Variants in DPYSL5 observed in about 807,000 individuals in gnomAD.
The protein encoded by DPYSL5 is dihydropyrimidinase like 5, also known as dihydropyrimidinase-related protein 5.
Under a neutral mutation model 58.4 loss-of-function variants are expected in DPYSL5, and 9 were observed. That is an observed-to-expected ratio of 0.15 (90% CI 0.09 to 0.27). DPYSL5 has a LOEUF of 0.27. DPYSL5 is among the 10% of genes least tolerant of loss of function. The pLI, the probability that DPYSL5 is intolerant of heterozygous loss-of-function variation, is 1.00. For synonymous variants in DPYSL5, 293 were observed against 301.9 expected (o/e 0.97, Z 0.31); for missense variants, 499 against 770.6 (o/e 0.65, Z 4.17).
At chr2:26,929,563 C>T (rs1664920409) in intron 5 of DPYSL5, among the ~76,000 whole-genome samples, 1 of 152,226 alleles carries the variant, frequency 6.6e-6, no homozygotes, top group Non-Finnish European at 1.5e-5. Flanking sequence ...CTGAAACCAT[C>T]CCTCCCCATT....
At chr2:26,880,821 A>G (rs1305887800) in intron 1 of DPYSL5, among the ~76,000 whole-genome samples, 3 of 152,222 alleles carry the variant, frequency 2.0e-5, no homozygotes, top group Non-Finnish European at 4.4e-5. Flanking sequence ...GGTTCTTACA[A>G]CTTCCCCAAC....
chr2:26,879,481 A>AAT, intron 1 of DPYSL5, among the ~76,000 whole-genome samples: 2 of 146,668 alleles, frequency 1.4e-5, no homozygotes, highest in East Asian at 4.0e-4. Context: ...AAAAAAAAAA[A>AAT]GCCCATTAGC....
intron 12 of DPYSL5, 34 bp from the exon 13 acceptor site, chr2:26,946,876 G>C: frequency 6.3e-7 from 1 of 1,581,532 alleles, no homozygotes; most frequent in Non-Finnish European, 8.7e-7. Flanking sequence ...AGGCACAAGA[G>C]CCCGTCTCAC....
At chr2:26,870,554 G>T (rs1663233833) in intron 1 of DPYSL5, among the ~76,000 whole-genome samples, 1 of 151,904 alleles carries the variant, frequency 6.6e-6, no homozygotes, top group South Asian at 2.1e-4. Flanking sequence ...GGGTTATATT[G>T]GTTTTATAAA....
chr2:26,939,028 T>TCTG (rs1251744371), intron 8 of DPYSL5: 1 of 152,374 alleles, frequency 6.6e-6, no homozygotes, highest in East Asian at 1.9e-4. Context: ...GGGCAGAGGA[T>TCTG]CTGCTGCCAT....
At chr2:26,921,785 T>C (rs1033013061) in intron 2 of DPYSL5, among the ~76,000 whole-genome samples, 1 of 152,156 alleles carries the variant, frequency 6.6e-6, no homozygotes, top group Non-Finnish European at 1.5e-5. Context: ...CAGATACTTA[T>C]GTGCATGCCC....
intron 5 of DPYSL5, 39 bp downstream of exon 5, chr2:26,928,362 A>T: frequency 1.9e-6 from 3 of 1,600,790 alleles, no homozygotes; most frequent in Non-Finnish European, 1.7e-6. Context: ...AGCGTCTCTC[A>T]TGTAGATTGA....
intron 1 of DPYSL5, among the ~76,000 whole-genome samples, chr2:26,892,376 G>A (rs938788019): frequency 4.6e-5 from 7 of 152,192 alleles, no homozygotes; most frequent in South Asian, 2.1e-4. Context: ...AGAATTCTCA[G>A]TAAGCTATTA....
chr2:26,891,160 A>G (rs1572691136), intron 1 of DPYSL5, among the ~76,000 whole-genome samples: 1 of 152,244 alleles, frequency 6.6e-6, no homozygotes, highest in East Asian at 1.9e-4. Flanking sequence ...CTTCTTGGTA[A>G]AAATGGGGGC....
intron 5 of DPYSL5, among the ~76,000 whole-genome samples, chr2:26,928,974 C>T (rs7579579): frequency 0.39 from 58,899 of 151,312 alleles, 11,890 homozygotes; most frequent in Admixed American, 0.54. Flanking sequence ...TTCCTTTGAG[C>T]ATCTGAGGAA....
chr2:26,921,819 C>T (rs970987834), intron 2 of DPYSL5, among the ~76,000 whole-genome samples: 1 of 152,154 alleles, frequency 6.6e-6, no homozygotes, highest in Admixed American at 6.5e-5. Context: ...GATGCTCTCA[C>T]ATCCATTGCC....
chr2:26,880,105 G>T (rs556026363), intron 1 of DPYSL5, among the ~76,000 whole-genome samples: 6 of 152,266 alleles, frequency 3.9e-5, no homozygotes, highest in Admixed American at 3.9e-4. Flanking sequence ...GCCCAGGCTG[G>T]TCTCAAACTT....
chr2:26,888,199 C>T (rs563193957), intron 1 of DPYSL5, among the ~76,000 whole-genome samples: 2 of 138,786 alleles, frequency 1.4e-5, no homozygotes, highest in Non-Finnish European at 3.1e-5. Flanking sequence ...TCCTTCCTTC[C>T]TTCCCTTTCT....
chr2:26,930,887 T>C (rs1374545994), intron 5 of DPYSL5, among the ~76,000 whole-genome samples: 4 of 150,270 alleles, frequency 2.7e-5, no homozygotes, highest in Admixed American at 2.7e-4. Context: ...GGCAGGAGAA[T>C]GGTGTGAACC....
At chr2:26,897,439 T>C (rs1405732345) in intron 1 of DPYSL5, among the ~76,000 whole-genome samples, 1 of 152,250 alleles carries the variant, frequency 6.6e-6, no homozygotes, top group East Asian at 1.9e-4. Flanking sequence ...TCTTCCTTAG[T>C]TTATAAAGAT....
intron 1 of DPYSL5, among the ~76,000 whole-genome samples, chr2:26,851,097 C>T (rs1362868032): frequency 6.6e-6 from 1 of 151,990 alleles, no homozygotes; most frequent in Non-Finnish European, 1.5e-5. Context: ...TATTAGAAAC[C>T]TAGAAATCTG....
intron 1 of DPYSL5, among the ~76,000 whole-genome samples, chr2:26,876,443 G>A (rs1396567517): frequency 6.6e-6 from 1 of 152,246 alleles, no homozygotes; most frequent in Non-Finnish European, 1.5e-5. Context: ...GGATGGGTTA[G>A]AAGGGCCAGC....
At chr2:26,875,652 A>G (rs554221602) in intron 1 of DPYSL5, among the ~76,000 whole-genome samples, 2 of 151,762 alleles carry the variant, frequency 1.3e-5, no homozygotes, top group African/African-American at 4.8e-5. Context: ...AGTATGTTGG[A>G]CTCTACACCT....
chr2:26,939,967 A>G, intron 8 of DPYSL5, 64 bp from the exon 9 acceptor site: 1 of 1,601,766 alleles, frequency 6.2e-7, no homozygotes, highest in Non-Finnish European at 8.5e-7. Flanking sequence ...CCCTATATCT[A>G]TCCTCACCCT....
Sources: gnomAD v4.1 joint callset for allele counts (sites outside exome capture counted in the v4.1 genomes callset) on GRCh38, gnomAD v4.1.1 for gene constraint, MANE v1.5 for transcripts, NCBI Gene and HGNC (gene_info 2026-07-23, HGNC 2026-07-21) for gene names.